ST3GAL6: variants seen among roughly 807,000 people sequenced by gnomAD.
ST3GAL6 encodes the protein ST3 beta-galactoside alpha-2,3-sialyltransferase 6, also known as type 2 lactosamine alpha-2,3-sialyltransferase.
A neutral mutation model predicts 40.5 loss-of-function variants in ST3GAL6; 31 were observed. That is an observed-to-expected ratio of 0.77 (90% CI 0.58 to 1.03). ST3GAL6 has a LOEUF of 1.03. Ranked by LOEUF, ST3GAL6 falls within the 50% of genes least tolerant of loss-of-function variation. ST3GAL6 has a pLI of 0.00. For synonymous variants in ST3GAL6, 129 were observed against 136.9 expected (o/e 0.94, Z 0.40); for missense variants, 357 against 393.2 (o/e 0.91, Z 0.78).
intron 1 of ST3GAL6, among the ~76,000 whole-genome samples, chr3:98,741,084 GCA>G (rs1233029658): frequency 1.7e-4 from 12 of 69,380 alleles, no homozygotes; most frequent in South Asian, 1.1e-3. Flanking sequence ...GTGTGTGTGT[GCA>G]TGCATGTATG....
chr3:98,754,369 G>A (rs995231906), intron 1 of ST3GAL6, among the ~76,000 whole-genome samples: 24 of 152,214 alleles, frequency 1.6e-4, no homozygotes, highest in African/African-American at 5.3e-4. Context: ...TAGCAGTAGA[G>A]CCTGAAGAAG....
chr3:98,775,440 A>G (rs532576069), intron 5 of ST3GAL6, among the ~76,000 whole-genome samples: 88 of 149,522 alleles, frequency 5.9e-4, no homozygotes, highest in African/African-American at 2.0e-3. Flanking sequence ...CCACCACTGT[A>G]CTCCAGCTTG....
chr3:98,744,328 G>A (rs1344916339), intron 1 of ST3GAL6, among the ~76,000 whole-genome samples: 1 of 152,134 alleles, frequency 6.6e-6, no homozygotes, highest in Non-Finnish European at 1.5e-5. Flanking sequence ...CTAATACAGA[G>A]GTTCTGCCAT....
Position 98,791,869 on chromosome 3 carries a change from T to A in ST3GAL6, c.785T>A (p.Ile262Asn). The A allele has an allele frequency of 1.9e-6, 3 of 1,613,598 alleles. No homozygotes were observed. Among genetic ancestry groups the A allele is most frequent in the Non-Finnish European group, 2.5e-6 (3 of 1,179,764 alleles). The change falls in exon 9 of 10, where the codon ATT becomes AAT. Residue 262 changes from isoleucine to asparagine, a missense_variant. Ile to Asn is a moderately radical substitution (Grantham distance 149). Transcript: ENST00000483910. ...QKPKHPTTGI[I>N]AITLAFYICH... Reference sequence around the variant, plus strand: ...CCTAAACACCCAACAACAGGAATTATTGCCATCACATTGGCGTTTTACATA... The same window carrying A: ...CCTAAACACCCAACAACAGGAATTAATGCCATCACATTGGCGTTTTACATA...
intron 1 of ST3GAL6, among the ~76,000 whole-genome samples, chr3:98,766,036 C>T (rs1201316551): frequency 3.9e-5 from 6 of 152,166 alleles, no homozygotes; most frequent in East Asian, 1.9e-4. Context: ...ACATGAAATA[C>T]GATAGTGCCT....
At chr3:98,766,765 A>G (rs1938399345) in intron 1 of ST3GAL6, among the ~76,000 whole-genome samples, 1 of 152,192 alleles carries the variant, frequency 6.6e-6, no homozygotes, top group African/African-American at 2.4e-5. Context: ...TGATTTGAGC[A>G]TTTAATAAGA....
chr3:98,766,759 T>A (rs139413329), intron 1 of ST3GAL6, among the ~76,000 whole-genome samples: 78 of 152,306 alleles, frequency 5.1e-4, no homozygotes, highest in African/African-American at 1.7e-3. Flanking sequence ...AATGTTTGAT[T>A]TGAGCATTTA....
chr3:98,748,240 G>A (rs940682863), intron 1 of ST3GAL6, among the ~76,000 whole-genome samples: 15 of 152,140 alleles, frequency 9.9e-5, no homozygotes, highest in Admixed American at 2.0e-4. Flanking sequence ...TAAGGACCCT[G>A]GCAGCAAACT....
upstream of ST3GAL6, among the ~76,000 whole-genome samples, chr3:98,762,088 A>T (rs59859734): frequency 0.45 from 68,054 of 152,022 alleles, 15,501 homozygotes; most frequent in Middle Eastern, 0.56. Flanking sequence ...AGGACAGTGA[A>T]AGCACTGGTG....
At chr3:98,757,102 C>T (rs945053564) in intron 1 of ST3GAL6, among the ~76,000 whole-genome samples, 11 of 152,020 alleles carry the variant, frequency 7.2e-5, no homozygotes, top group African/African-American at 2.7e-4. Context: ...TAACTTTATT[C>T]TGAAAAAAGA....
intron 2 of ST3GAL6, among the ~76,000 whole-genome samples, chr3:98,768,744 C>T (rs904339395): frequency 2.6e-5 from 4 of 152,150 alleles, no homozygotes; most frequent in African/African-American, 9.6e-5. Context: ...CTATTGACTT[C>T]CCAGGGAAGC....
Position 98,750,863 on chromosome 3 carries a change from A to G in ST3GAL6, c.-11-17567A>G, listed in dbSNP as rs111343260. On this transcript the variant is annotated intron_variant, in intron 1 of 9. Transcript: ENST00000265261. ...GAATTTTGCATTCACTGGCCTTGGC[A>G]TAACTGCTTGGTAGCCATCAGAACC... Among the ~76,000 whole-genome samples the G allele has an allele frequency of 7.5e-3, 1,135 of 152,262 alleles. 12 individuals carry two copies. The highest frequency in any genetic ancestry group is 0.023 in the African/African-American group (949 of 41,536).
chr3:98,775,782 C>T (rs539424457), intron 5 of ST3GAL6, among the ~76,000 whole-genome samples: 1 of 152,278 alleles, frequency 6.6e-6, no homozygotes, highest in South Asian at 2.1e-4. Context: ...TCCCCACTCC[C>T]CACCATCATG....
At chr3:98,750,557 G>C (rs545419168) in intron 1 of ST3GAL6, among the ~76,000 whole-genome samples, 2 of 149,390 alleles carry the variant, frequency 1.3e-5, no homozygotes, top group African/African-American at 4.9e-5. Flanking sequence ...TAGCAGCACT[G>C]GCATTCTTTT....
intron 1 of ST3GAL6, among the ~76,000 whole-genome samples, chr3:98,764,801 A>G (rs1223053661): frequency 6.6e-6 from 1 of 152,208 alleles, no homozygotes; most frequent in Non-Finnish European, 1.5e-5. Context: ...ACCAAAAGCA[A>G]TTATCACATG....
At chr3:98,756,475 C>G in intron 1 of ST3GAL6, 1 of 1,289,104 alleles carries the variant, frequency 7.8e-7, no homozygotes, top group South Asian at 1.2e-5. Context: ...AGCCTGGTCC[C>G]TCTTTCGCAA....
chr3:98,736,349 G>C (rs574884435), intron 1 of ST3GAL6, among the ~76,000 whole-genome samples: 1 of 152,328 alleles, frequency 6.6e-6, no homozygotes, highest in African/African-American at 2.4e-5. Flanking sequence ...TTTAGTGCTA[G>C]GCTTTGAAAG....
chr3:98,734,218 T>A (rs1384290158), intron 1 of ST3GAL6, among the ~76,000 whole-genome samples: 2 of 152,234 alleles, frequency 1.3e-5, no homozygotes, highest in African/African-American at 4.8e-5. Context: ...TGGGAACATC[T>A]GCTCAGGCTG....
chr3:98,780,278 G>A (rs1354011498), intron 5 of ST3GAL6, among the ~76,000 whole-genome samples: 1 of 152,186 alleles, frequency 6.6e-6, no homozygotes, highest in Non-Finnish European at 1.5e-5. Flanking sequence ...AAGTGTTATT[G>A]CCAAAGAGTA....
Sources: allele counts gnomAD v4.1 joint callset (sites outside exome capture counted in the v4.1 genomes callset), GRCh38; gene constraint gnomAD v4.1.1; transcripts MANE v1.5; gene names NCBI Gene and HGNC (gene_info 2026-07-23, HGNC 2026-07-21).